Variants in SCFD2 observed in about 807,000 individuals in gnomAD.
SCFD2 encodes sec1 family domain-containing protein 2.
A neutral mutation model predicts 58.9 loss-of-function variants in SCFD2; 54 were observed. That is an observed-to-expected ratio of 0.92 (90% CI 0.74 to 1.15). The LOEUF (loss-of-function observed/expected upper bound fraction) is 1.15. SCFD2 is among the 50% of genes most tolerant of loss of function. SCFD2 has a pLI of 0.00. For missense variants in SCFD2, 805 were observed against 836.6 expected (o/e 0.96, Z 0.47); for synonymous variants, 321 against 335.9 (o/e 0.96, Z 0.49).
At chr4:53,363,522 T>C (rs1734606351) in intron 1 of SCFD2, among the ~76,000 whole-genome samples, 1 of 152,136 alleles carries the variant, frequency 6.6e-6, no homozygotes, top group African/African-American at 2.4e-5. Flanking sequence ...GCAGAAGTTA[T>C]GCTCACCTTA....
intron 4 of SCFD2, among the ~76,000 whole-genome samples, chr4:53,272,514 T>C (rs543025604): frequency 3.3e-5 from 5 of 152,294 alleles, no homozygotes; most frequent in Admixed American, 1.3e-4. Context: ...TGGAACACTA[T>C]GCAGCCATAA....
chr4:53,001,011 C>G (rs1217791538), intron 5 of SCFD2, among the ~76,000 whole-genome samples: 1 of 152,220 alleles, frequency 6.6e-6, no homozygotes, highest in Non-Finnish European at 1.5e-5. Context: ...TTAGAGTAAA[C>G]ACTATGACAC....
chr4:53,256,281 C>T (rs1304671739), intron 4 of SCFD2, among the ~76,000 whole-genome samples: 2 of 122,584 alleles, frequency 1.6e-5, no homozygotes, highest in Non-Finnish European at 3.4e-5. Flanking sequence ...CCTCACATCC[C>T]AGATGGGGCG....
intron 5 of SCFD2, among the ~76,000 whole-genome samples, chr4:53,115,458 T>C (rs1396258578): frequency 1.3e-5 from 2 of 152,134 alleles, no homozygotes; most frequent in African/African-American, 4.8e-5. Context: ...TGCTTTCATC[T>C]TGAGTCCTAA....
intron 5 of SCFD2, among the ~76,000 whole-genome samples, chr4:53,107,029 T>G (rs369480681): frequency 2.0e-5 from 3 of 152,160 alleles, no homozygotes; most frequent in African/African-American, 7.2e-5. Flanking sequence ...GCAGATATCT[T>G]GGCAGACACC....
intron 1 of SCFD2, among the ~76,000 whole-genome samples, chr4:53,357,361 G>A (rs1212867197): frequency 2.0e-5 from 3 of 152,012 alleles, no homozygotes; most frequent in Admixed American, 6.6e-5. Context: ...TCCAAGAGGC[G>A]GAGGTTTCAG....
chr4:52,970,950 G>A (rs1315400819), intron 5 of SCFD2, among the ~76,000 whole-genome samples: 1 of 152,198 alleles, frequency 6.6e-6, no homozygotes, highest in African/African-American at 2.4e-5. Flanking sequence ...ACCTGCAGCT[G>A]AGGGTCCTGA....
Position 53,352,611 on chromosome 4 carries a change from G to C in SCFD2, c.994C>G (p.Leu332Val), listed in dbSNP as rs1462574520. ...ENYNVVAPGC[L>V]SQSSDTTAKA... is the part of the protein sequence containing the mutation. The stretch of plus-strand genomic sequence containing the variant: ...TATATATCTTACCTGGATTGTGAAA[G>C]ACAGCCTGGTGCAACCACATTATAA... Residue 332 changes from leucine to valine, a missense_variant, in exon 2 of 9, where the codon CTT (leucine) becomes GTT (valine). Around this residue, in one of 3 missense-constraint regions of SCFD2, gnomAD observed 633 missense variants for 646.8 expected, o/e 0.98. Coordinates refer to ENST00000401642, the MANE Select transcript of SCFD2 (RefSeq NM_152540.4). 2 of 1,613,054 alleles carry C rather than the reference G, an allele frequency of 1.2e-6. No individual in the cohort carries two copies. The highest frequency in any genetic ancestry group is 2.2e-5 in the South Asian group (2 of 90,936).
chr4:52,952,112 G>A (rs73144948), intron 5 of SCFD2, among the ~76,000 whole-genome samples: 1 of 152,172 alleles, frequency 6.6e-6, no homozygotes, highest in African/African-American at 2.4e-5. Context: ...AGAGAAGCCT[G>A]GACTAGAGGC....
chr4:53,019,440 A>G (rs1278289219), intron 5 of SCFD2, among the ~76,000 whole-genome samples: 1 of 152,220 alleles, frequency 6.6e-6, no homozygotes, highest in Non-Finnish European at 1.5e-5. Flanking sequence ...GATGGTGAGA[A>G]TAAATTCTAT....
intron 5 of SCFD2, among the ~76,000 whole-genome samples, chr4:53,026,389 A>G (rs753726602): frequency 1.3e-5 from 2 of 152,216 alleles, no homozygotes; most frequent in East Asian, 1.9e-4. Context: ...TGCCTGGTAC[A>G]TGGTTGACAT....
intron 3 of SCFD2, among the ~76,000 whole-genome samples, chr4:53,274,589 G>T (rs921588083): frequency 4.6e-5 from 7 of 152,254 alleles, no homozygotes; most frequent in Non-Finnish European, 5.9e-5. Context: ...TTGGTGTGGG[G>T]AACAGCACAT....
chr4:53,358,377 A>G (rs577618511), intron 1 of SCFD2, among the ~76,000 whole-genome samples: 77 of 152,178 alleles, frequency 5.1e-4, no homozygotes, highest in Non-Finnish European at 1.0e-3. Flanking sequence ...AAAAAACAAA[A>G]CAAAACAAAA....
At chr4:53,248,086 G>A (rs574196773) in intron 4 of SCFD2, among the ~76,000 whole-genome samples, 2 of 152,296 alleles carry the variant, frequency 1.3e-5, no homozygotes, top group South Asian at 4.1e-4. Context: ...GCCACCCGAA[G>A]CAGGGCGAGG....
intron 5 of SCFD2, among the ~76,000 whole-genome samples, chr4:53,070,096 TAAAG>T (rs1167931124): frequency 6.6e-6 from 1 of 151,928 alleles, no homozygotes; most frequent in Non-Finnish European, 1.5e-5. Context: ...TTAATTAAAA[TAAAG>T]AAACCAACCA....
intron 6 of SCFD2, among the ~76,000 whole-genome samples, chr4:52,919,739 T>C (rs1577827772): frequency 6.6e-6 from 1 of 152,210 alleles, no homozygotes; most frequent in African/African-American, 2.4e-5. Context: ...AAATCCAATG[T>C]AGAAGTGCTC....
chr4:53,070,226 T>G (rs1441402686), intron 5 of SCFD2, among the ~76,000 whole-genome samples: 10 of 152,116 alleles, frequency 6.6e-5, no homozygotes, highest in African/African-American at 2.4e-4. Flanking sequence ...TTATCAGTTG[T>G]TGACTTTTGA....
chr4:53,287,563 C>T (rs1464009814), intron 3 of SCFD2, among the ~76,000 whole-genome samples: 1 of 152,074 alleles, frequency 6.6e-6, no homozygotes, highest in African/African-American at 2.4e-5. Context: ...ACAAGTTACA[C>T]CCTAAAACTC....
At chr4:52,953,630 T>G (rs1267884819) in intron 5 of SCFD2, among the ~76,000 whole-genome samples, 1 of 152,210 alleles carries the variant, frequency 6.6e-6, no homozygotes, top group Admixed American at 6.5e-5. Context: ...AATGAGAAGA[T>G]GAACCTGAAA....
Sources: gnomAD v4.1 joint callset for allele counts (sites outside exome capture counted in the v4.1 genomes callset) on GRCh38, gnomAD v4.1.1 for gene constraint, gnomAD v4.1.1 regional missense constraint, MANE v1.5 for transcripts, NCBI Gene and HGNC (gene_info 2026-07-23, HGNC 2026-07-21) for gene names.